Variants in CPNE1 observed in about 807,000 individuals in gnomAD.
CPNE1 encodes the protein copine 1.
In CPNE1, 58 loss-of-function variants were observed where a neutral mutation model predicts 63.2. The observed-to-expected ratio is 0.92, with a 90% CI of 0.74 to 1.14. CPNE1 has a LOEUF of 1.14. Ranked by LOEUF, CPNE1 falls within the 50% of genes most tolerant of loss-of-function variation. The pLI, the probability that CPNE1 is intolerant of heterozygous loss-of-function variation, is 0.00. For missense variants in CPNE1, 672 were observed against 661.7 expected (o/e 1.02, Z -0.17); for synonymous variants, 237 against 249.0 (o/e 0.95, Z 0.45).
chr20:35,651,624 T>C (rs554741678), intron 1 of CPNE1: 15 of 151,104 alleles, frequency 9.9e-5, no homozygotes, highest in African/African-American at 3.7e-4. Context: ...GATACTACAA[T>C]TAGTCCATAT....
intron 11 of CPNE1, 37 bp downstream of exon 11, chr20:35,630,864 C>T (rs2032077432): frequency 3.7e-6 from 6 of 1,602,924 alleles, no homozygotes; most frequent in Non-Finnish European, 5.1e-6. Context: ...GAAGCATCTG[C>T]AGGGAGCGGG....
intron 13 of CPNE1, among the ~76,000 whole-genome samples, chr20:35,628,715 G>A (rs967899001): frequency 3.3e-5 from 5 of 152,222 alleles, no homozygotes; most frequent in African/African-American, 7.2e-5. Flanking sequence ...CTAACTGAAC[G>A]CAATGTGTGA....
intron 1 of CPNE1, among the ~76,000 whole-genome samples, chr20:35,645,679 T>C (rs923428786): frequency 1.1e-4 from 17 of 152,344 alleles, no homozygotes; most frequent in Admixed American, 4.6e-4. Flanking sequence ...TCAATGGTCA[T>C]AGAAGTAAAG....
intron 13 of CPNE1, among the ~76,000 whole-genome samples, chr20:35,629,567 T>C (rs1306845661): frequency 6.6e-6 from 1 of 152,000 alleles, no homozygotes; most frequent in Non-Finnish European, 1.5e-5. Context: ...ACTTGTATCC[T>C]CTCCTTGAGT....
rs181896706 is a variant in CPNE1, at chr20:35,628,604, A to C, written c.1103-1191T>G. 1.5e-4 allele frequency among the ~76,000 whole-genome samples: 23 copies of C among 152,338 alleles called. No homozygotes were observed. The East Asian group carries it at 4.0e-3, about 27-fold the overall frequency. ...TCCTGAGGATTTATCAGGTAAACCC[A>C]AACTGAGGGACATTCTAGAAAATAT... On this transcript the variant is annotated intron_variant, in intron 13 of 15. Coordinates refer to ENST00000397443, the MANE Select transcript of CPNE1 (RefSeq NM_152925.3).
intron 13 of CPNE1, 117 bp from the exon 14 acceptor site, chr20:35,627,530 C>T (rs1462041783): frequency 2.8e-6 from 3 of 1,055,658 alleles, no homozygotes; most frequent in African/African-American, 1.6e-5. Context: ...TTCATTCATT[C>T]ACCCTTGTAA....
intron 13 of CPNE1, 101 bp from the exon 14 acceptor site, chr20:35,627,514 G>A (rs1441796858): frequency 1.6e-6 from 2 of 1,239,364 alleles, no homozygotes; most frequent in Non-Finnish European, 2.2e-6. Context: ...CGGAACCTGG[G>A]TGCATTTCAT....
chr20:35,633,492 A>G (rs1452028162), intron 1 of CPNE1, among the ~76,000 whole-genome samples: 1 of 152,046 alleles, frequency 6.6e-6, no homozygotes, highest in Non-Finnish European at 1.5e-5. Context: ...TCAACTCCTC[A>G]CTATTTCCAC....
At chr20:35,653,853 A>G (rs111719378) in intron 1 of CPNE1, 1 of 1,613,980 alleles carries the variant, frequency 6.2e-7, no homozygotes. Context: ...ACTGTTTATG[A>G]CGACACAGAG....
chr20:35,652,679 T>C, intron 1 of CPNE1: 1 of 1,614,178 alleles, frequency 6.2e-7, no homozygotes, highest in Non-Finnish European at 8.5e-7. Context: ...GAGCCTGGGA[T>C]TACTTGATAG....
chr20:35,649,294 G>A (rs893682248), intron 1 of CPNE1: 1 of 152,292 alleles, frequency 6.6e-6, no homozygotes, highest in East Asian at 1.9e-4. Flanking sequence ...GCCCATACCT[G>A]TACACAACCA....
chr20:35,663,461 CCCTT>C (rs1219906595), intron 1 of CPNE1, among the ~76,000 whole-genome samples: 10 of 152,210 alleles, frequency 6.6e-5, no homozygotes, highest in Non-Finnish European at 2.9e-5. Flanking sequence ...CCTAGCCTCT[CCCTT>C]CAACAAACCT....
In CPNE1 at chr20:35,632,628, G is replaced by GT; in HGVS notation, c.197dup (p.Tyr66Ter). ...PEFSKTLQLEYRFETVQKLRF... is the reference protein window; with the variant it reads ...PEFSKTLQLE The stretch of plus-strand genomic sequence containing the variant: ...GTAGCTTCTGGACTGTCTCAAAGCG[G>GT]TACTCAAGCTGTAGAGTCTTGGAGA... The change falls in exon 3 of 16, where the codon TAC (tyrosine) becomes TAAC (stop). Residue 66 changes from tyrosine (Y) to a stop codon, truncating the protein, a stop_gained and frameshift_variant. Coordinates refer to ENST00000397443, the MANE Select transcript of CPNE1 (RefSeq NM_152925.3). LOFTEE classifies it high-confidence loss of function. The GT allele has an allele frequency of 6.5e-7, 1 of 1,534,500 alleles. No homozygotes were observed. The highest frequency in any genetic ancestry group is 9.0e-7 in the Non-Finnish European group (1 of 1,107,338).
chr20:35,626,600 A>G lies in CPNE1; in HGVS notation c.1440T>C (p.Ile480=), dbSNP rs765585447. The G allele has an allele frequency of 7.4e-6, 12 of 1,614,040 alleles. No individual in the cohort carries two copies. The Admixed American group carries it at 1.7e-4, about 22-fold the overall frequency. Reference sequence around the variant, plus strand: ...ACCGGCGGTAGGGTACAAACTGCACAATGTCGCGGGCAGCAGCCTGCCCAG... The same window carrying G: ...ACCGGCGGTAGGGTACAAACTGCACGATGTCGCGGGCAGCAGCCTGCCCAG... ...TRSGQAAARD[I]VQFVPYRRFQ... Residue 480 remains isoleucine (I), a synonymous_variant, in exon 15 of 16, where the codon ATT becomes ATC. Coordinates refer to ENST00000397443, the MANE Select transcript of CPNE1 (RefSeq NM_152925.3).
At chr20:35,627,534 C>A in intron 13 of CPNE1, 121 bp from the exon 14 acceptor site, 1 of 996,214 alleles carries the variant, frequency 1.0e-6, no homozygotes, top group Non-Finnish European at 1.4e-6. Flanking sequence ...TTCATTCACC[C>A]TTGTAAACCA....
At chr20:35,643,862 C>T (rs1286704890) in intron 1 of CPNE1, among the ~76,000 whole-genome samples, 1 of 152,154 alleles carries the variant, frequency 6.6e-6, no homozygotes, top group Non-Finnish European at 1.5e-5. Flanking sequence ...ACTGAAAAGG[C>T]TCCTTCCCCA....
intron 1 of CPNE1, chr20:35,652,411 T>C (rs1029783009): frequency 1.6e-6 from 2 of 1,252,224 alleles, no homozygotes; most frequent in African/African-American, 3.0e-5. Context: ...GAAACCAAGC[T>C]ATATGCAATT....
At chr20:35,653,494 T>C in intron 1 of CPNE1, 1 of 1,614,240 alleles carries the variant, frequency 6.2e-7, no homozygotes, top group Non-Finnish European at 8.5e-7. Context: ...TTCTCTCCCA[T>C]TAAGTTTTTT....
Position 35,640,734 on chromosome 20 carries a change from G to A in CPNE1, c.1-7811C>T, listed in dbSNP as rs78409099. On this transcript the variant is annotated intron_variant, in intron 1 of 15. Coordinates refer to ENST00000397443, the MANE Select transcript of CPNE1 (RefSeq NM_152925.3). ...AGATTAGTCTTGCTTCTGTGCCAAC[G>A]CCTGGAACACAGCAGGTGCTCTACT... Among the ~76,000 whole-genome samples, 182 of 152,208 alleles carry A rather than the reference G, an allele frequency of 1.2e-3. 2 individuals carry two copies. In the East Asian group the frequency reaches 0.025, roughly 21 times the overall value.
Sources: allele counts gnomAD v4.1 joint callset (sites outside exome capture counted in the v4.1 genomes callset), GRCh38; gene constraint gnomAD v4.1.1; transcripts MANE v1.5; gene names NCBI Gene and HGNC (gene_info 2026-07-23, HGNC 2026-07-21).